MPPED1: variants seen among roughly 807,000 people sequenced by gnomAD.
MPPED1 encodes the protein metallophosphoesterase domain containing 1, also known as metallophosphoesterase domain-containing protein 1.
In MPPED1, 16 loss-of-function variants were observed where a neutral mutation model predicts 36.2. The observed-to-expected ratio is 0.44, with a 90% CI of 0.30 to 0.67. The LOEUF (loss-of-function observed/expected upper bound fraction) is 0.67. MPPED1 is among the 30% of genes least tolerant of loss of function. The pLI is 0.10. For missense variants in MPPED1, 307 were observed against 453.4 expected, an observed-to-expected ratio of 0.68 and a Z score of 2.93; for synonymous variants, 199 against 191.3, an observed-to-expected ratio of 1.04 and a Z score of -0.33.
At chr22:43,444,215 A>T (rs916669210) in intron 3 of MPPED1, among the ~76,000 whole-genome samples, 2 of 151,894 alleles carry the variant, frequency 1.3e-5, no homozygotes, top group African/African-American at 4.8e-5. Context: ...CTTGAAAGGT[A>T]TGCTTAAGTG....
At chr22:43,490,098 C>A (rs1334769169) in intron 4 of MPPED1, among the ~76,000 whole-genome samples, 2 of 152,218 alleles carry the variant, frequency 1.3e-5, no homozygotes, top group Admixed American at 1.3e-4. Flanking sequence ...GTCCGATGCC[C>A]ACTTCAGTGC....
intron 1 of MPPED1, chr22:43,418,224 T>G: frequency 2.2e-6 from 1 of 453,318 alleles, no homozygotes; most frequent in Admixed American, 2.4e-5. Flanking sequence ...ATGCTGGTAA[T>G]AGTGGCACAG....
chr22:43,433,172 A>G (rs1191971984), intron 2 of MPPED1, among the ~76,000 whole-genome samples: 2 of 151,818 alleles, frequency 1.3e-5, no homozygotes, highest in East Asian at 3.9e-4. Flanking sequence ...TGGGAAGGAG[A>G]TTTCAGCTTC....
At chr22:43,470,979 C>T (rs1931355670) in intron 3 of MPPED1, among the ~76,000 whole-genome samples, 1 of 152,238 alleles carries the variant, frequency 6.6e-6, no homozygotes, top group South Asian at 2.1e-4. Context: ...GGCTCCTGCC[C>T]TGCTCCCTTG....
intron 3 of MPPED1, among the ~76,000 whole-genome samples, chr22:43,447,879 A>AT (rs1319988340): frequency 6.0e-5 from 2 of 33,588 alleles, no homozygotes; most frequent in African/African-American, 3.7e-4. Flanking sequence ...ATATATATAT[A>AT]TATATTTTTT....
At chr22:43,440,646 T>G (rs779052594) in intron 3 of MPPED1, among the ~76,000 whole-genome samples, 404 of 152,244 alleles carry the variant, frequency 2.7e-3, no homozygotes, top group Non-Finnish European at 4.8e-3. Context: ...GACTGGCAGG[T>G]GCCAGGCTGG....
chr22:43,487,202 G>A (rs1156910178), intron 4 of MPPED1, among the ~76,000 whole-genome samples: 3 of 152,198 alleles, frequency 2.0e-5, no homozygotes, highest in African/African-American at 7.2e-5. Flanking sequence ...TGCTGGGGGA[G>A]GCAGGTGATC....
chr22:43,480,138 C>T (rs145704469), intron 4 of MPPED1, among the ~76,000 whole-genome samples: 41 of 152,286 alleles, frequency 2.7e-4, no homozygotes, highest in Middle Eastern at 3.4e-3. Context: ...GTTTTGACTT[C>T]CTTGTTTGTT....
intron 3 of MPPED1, among the ~76,000 whole-genome samples, chr22:43,454,466 A>G (rs1012804346): frequency 6.6e-6 from 1 of 151,956 alleles, no homozygotes; most frequent in Non-Finnish European, 1.5e-5. Context: ...CACCATGCCC[A>G]GCTTATTTTT....
At chr22:43,453,345 G>A (rs113363493) in intron 3 of MPPED1, among the ~76,000 whole-genome samples, 2 of 151,750 alleles carry the variant, frequency 1.3e-5, no homozygotes, top group African/African-American at 4.8e-5. Flanking sequence ...CCCTTTAAAT[G>A]GGTTTTCTGT....
intron 5 of MPPED1, among the ~76,000 whole-genome samples, chr22:43,501,323 CCTT>C (rs1370281158): frequency 1.3e-5 from 2 of 152,224 alleles, no homozygotes; most frequent in African/African-American, 2.4e-5. Context: ...TTCCATATCT[CCTT>C]TTTTCCTCCT....
chr22:43,478,213 G>A (rs1375516870), intron 4 of MPPED1, among the ~76,000 whole-genome samples: 1 of 152,212 alleles, frequency 6.6e-6, no homozygotes, highest in African/African-American at 2.4e-5. Flanking sequence ...CGTATCCCGT[G>A]TGGCAGGCCT....
chr22:43,442,411 C>T (rs999928217), intron 3 of MPPED1, among the ~76,000 whole-genome samples: 3 of 152,128 alleles, frequency 2.0e-5, no homozygotes, highest in Non-Finnish European at 4.4e-5. Context: ...CAAGATCCTG[C>T]CCCGTGGCTG....
chr22:43,495,219 T>C (rs1932222047), intron 4 of MPPED1, among the ~76,000 whole-genome samples: 3 of 130,306 alleles, frequency 2.3e-5, no homozygotes, highest in East Asian at 4.6e-4. Flanking sequence ...GAAGTGGAGG[T>C]GGTGGTGGTG....
At chr22:43,426,003 C>T (rs985289218) in intron 2 of MPPED1, among the ~76,000 whole-genome samples, 17 of 152,122 alleles carry the variant, frequency 1.1e-4, no homozygotes, top group Non-Finnish European at 2.1e-4. Context: ...CAGAGGTGGT[C>T]GAGCTCCTGG....
At chr22:43,463,607 T>A (rs531998105) in intron 3 of MPPED1, among the ~76,000 whole-genome samples, 1 of 152,274 alleles carries the variant, frequency 6.6e-6, no homozygotes, top group Admixed American at 6.5e-5. Flanking sequence ...TTAAAAAATA[T>A]CCTGCTATGT....
At chr22:43,497,929 G>GTGTATATATATATATATATATATATA (rs1555904565) in intron 4 of MPPED1, among the ~76,000 whole-genome samples, 64 of 48,718 alleles carry the variant, frequency 1.3e-3, no homozygotes, top group African/African-American at 2.1e-3. Context: ...ATATATATAT[G>GTGTATATATATATATATATATATATA]TATATGTATA....
intron 3 of MPPED1, among the ~76,000 whole-genome samples, chr22:43,463,872 T>TTTCTTTCTTTC (rs893396989): frequency 6.7e-6 from 1 of 148,902 alleles, no homozygotes; most frequent in African/African-American, 2.5e-5. Context: ...TCTTTCTTTC[T>TTTCTTTCTTTC]TTCTCTTTCT....
chr22:43,492,494 G>T (rs2146906683), intron 4 of MPPED1, among the ~76,000 whole-genome samples: 1 of 152,278 alleles, frequency 6.6e-6, no homozygotes, highest in Admixed American at 6.5e-5. Context: ...ACAGCTGCCT[G>T]GTTTCCTCAA....
Sources: gnomAD v4.1 joint callset for allele counts (sites outside exome capture counted in the v4.1 genomes callset) on GRCh38, gnomAD v4.1.1 for gene constraint, MANE v1.5 for transcripts, NCBI Gene and HGNC (gene_info 2026-07-23, HGNC 2026-07-21) for gene names.